PPP2R5C: variants seen among roughly 807,000 people sequenced by gnomAD.
PPP2R5C encodes serine/threonine-protein phosphatase 2A 56 kDa regulatory subunit gamma isoform.
Under a neutral mutation model 68.9 loss-of-function variants are expected in PPP2R5C, and 7 were observed. That is an observed-to-expected ratio of 0.10 (90% CI 0.06 to 0.19). The LOEUF (loss-of-function observed/expected upper bound fraction) is 0.19, where lower values mean the gene tolerates loss of function less well. PPP2R5C is among the 10% of genes least tolerant of loss of function. The probability of loss-of-function intolerance (pLI) is 1.00; values close to 1 mark genes in which losing one functional copy is unlikely to be tolerated. For synonymous variants in PPP2R5C, 210 were observed against 222.2 expected (o/e 0.95, Z 0.49); for missense variants, 348 against 641.3 (o/e 0.54, Z 4.94).
intron 1 of PPP2R5C, among the ~76,000 whole-genome samples, chr14:101,848,546 AAAAGAAAG>A (rs997224724): frequency 4.6e-5 from 7 of 152,064 alleles, no homozygotes; most frequent in African/African-American, 1.4e-4. Context: ...TCAAAAAAAA[AAAAGAAAG>A]AAAGAAAGAA....
intron 2 of PPP2R5C, among the ~76,000 whole-genome samples, chr14:101,866,449 G>A (rs1432912267): frequency 7.9e-5 from 12 of 152,094 alleles, no homozygotes; most frequent in East Asian, 3.9e-4. Context: ...CCATTTTATC[G>A]ATAGATTTTT....
intron 11 of PPP2R5C, among the ~76,000 whole-genome samples, chr14:101,909,963 C>A (rs1382951899): frequency 6.6e-6 from 1 of 152,166 alleles, no homozygotes; most frequent in Non-Finnish European, 1.5e-5. Context: ...AGAATTTTTT[C>A]TTTTCTTGGG....
At chr14:101,887,534 T>A (rs1490233676) in intron 5 of PPP2R5C, among the ~76,000 whole-genome samples, 1 of 152,204 alleles carries the variant, frequency 6.6e-6, no homozygotes, top group East Asian at 1.9e-4. Flanking sequence ...TGGCGTGTGC[T>A]GGGGCTGGAG....
At chr14:101,775,990 C>T (rs1026799826) in intron 2 of PPP2R5C, among the ~76,000 whole-genome samples, 15 of 151,964 alleles carry the variant, frequency 9.9e-5, no homozygotes, top group Admixed American at 7.9e-4. Context: ...TTTGAGTGGC[C>T]GACAAGTGTC....
intron 2 of PPP2R5C, among the ~76,000 whole-genome samples, chr14:101,869,261 A>G (rs2043253609): frequency 6.6e-6 from 1 of 152,240 alleles, no homozygotes; most frequent in Non-Finnish European, 1.5e-5. Context: ...CCATGTTGTC[A>G]CACAGTTTGT....
At chr14:101,925,259 A>T in exon 14 of PPP2R5C, 1 of 1,613,078 alleles carries the variant, frequency 6.2e-7, no homozygotes, top group Non-Finnish European at 8.5e-7. Flanking sequence ...CTGGCCTCCC[A>T]GGACGGCCGC....
chr14:101,855,417 G>A (rs761898659), intron 1 of PPP2R5C, among the ~76,000 whole-genome samples: 7 of 152,124 alleles, frequency 4.6e-5, no homozygotes, highest in Non-Finnish European at 1.0e-4. Context: ...GTGGACATTT[G>A]CTTTGATATT....
rs1566942699 is a variant in PPP2R5C at position 101,888,592 on chromosome 14, GTTTTGTTTTGTT to G, written c.630-1634_630-1623del. ...TTTTTCTGTTGTGTTGTTTTGTTTT[GTTTTGTTTTGTT>G]TTTTGTTTTGAAACAGGGTCTCTGT... On this transcript the variant is annotated intron_variant, in intron 5 of 13. Coordinates refer to ENST00000334743, the Ensembl canonical transcript of PPP2R5C. The surrounding 1 kb of genome is among the most constrained non-coding windows in gnomAD (Gnocchi z 5.6). Among the ~76,000 whole-genome samples, 4 of 151,566 alleles carry G rather than the reference GTTTTGTTTTGTT, an allele frequency of 2.6e-5. No homozygotes were observed. The South Asian group carries it at 6.3e-4, about 24-fold the overall frequency.
chr14:101,778,754 G>A (rs1372357018), intron 2 of PPP2R5C, among the ~76,000 whole-genome samples: 1 of 152,110 alleles, frequency 6.6e-6, no homozygotes, highest in Non-Finnish European at 1.5e-5. Context: ...TGAGCCAGAT[G>A]CACTTTTAAA....
chr14:101,869,149 A>G (rs181415612), intron 2 of PPP2R5C, among the ~76,000 whole-genome samples: 12 of 152,156 alleles, frequency 7.9e-5, no homozygotes, highest in Non-Finnish European at 1.6e-4. Context: ...TCTCTATCAC[A>G]TCATTTTGTC....
intron 1 of PPP2R5C, chr14:101,836,740 A>G (rs1198375111): frequency 1.5e-5 from 3 of 202,810 alleles, no homozygotes; most frequent in African/African-American, 7.0e-5. Context: ...GGTAATATAT[A>G]AAAGAGTATT....
chr14:101,868,568 G>A (rs1674211528), intron 2 of PPP2R5C, among the ~76,000 whole-genome samples: 1 of 152,138 alleles, frequency 6.6e-6, no homozygotes, highest in African/African-American at 2.4e-5. Flanking sequence ...ATATGCATAT[G>A]TTAAATATCA....
At chr14:101,875,141 G>T (rs779575532) in intron 2 of PPP2R5C, among the ~76,000 whole-genome samples, 6 of 152,198 alleles carry the variant, frequency 3.9e-5, no homozygotes, top group Non-Finnish European at 7.3e-5. Context: ...CAATGTTGTG[G>T]TTCTTTTCTT....
At chr14:101,810,399 G>A in intron 1 of PPP2R5C, 1 of 189,796 alleles carries the variant, frequency 5.3e-6, no homozygotes, top group Non-Finnish European at 1.1e-5. Flanking sequence ...TGGCCAAGTT[G>A]TTCGTACGCA....
chr14:101,794,873 T>C (rs1191841447), intron 3 of PPP2R5C, among the ~76,000 whole-genome samples: 1 of 152,258 alleles, frequency 6.6e-6, no homozygotes, highest in Non-Finnish European at 1.5e-5. Context: ...CATCAGTTTT[T>C]CAGTTGATTC....
intron 1 of PPP2R5C, among the ~76,000 whole-genome samples, chr14:101,828,275 G>A (rs2040522098): frequency 6.6e-6 from 1 of 152,134 alleles, no homozygotes; most frequent in Non-Finnish European, 1.5e-5. Context: ...TTACAGGGAT[G>A]GGGAGTTCTT....
chr14:101,912,636 G>A (rs2046461570), intron 12 of PPP2R5C, 163 bp downstream of exon 14: 1 of 1,298,352 alleles, frequency 7.7e-7, no homozygotes, highest in Non-Finnish European at 9.9e-7. Context: ...CCCTCCTTTT[G>A]TACAAGTACT....
In PPP2R5C at chr14:101,825,771, C is replaced by T. The variant is rs2040362315; in HGVS notation, c.94+15735C>T. ...CAGATCTGCTGAAAACCAAAATGTTCAGTGTCATCTTCAGCAGAGGGGATT... is the reference window on the plus strand; with the variant it reads ...CAGATCTGCTGAAAACCAAAATGTTTAGTGTCATCTTCAGCAGAGGGGATT... On this transcript the variant is annotated intron_variant, in intron 1 of 13. Coordinates refer to ENST00000334743, the Ensembl canonical transcript of PPP2R5C. This position sits in a 1 kb window ranked among gnomAD's most constrained non-coding sequence, Gnocchi z 4.0. Among the ~76,000 whole-genome samples, 1 of 152,176 alleles carries T rather than the reference C, an allele frequency of 6.6e-6. No individual in the cohort carries two copies. Among genetic ancestry groups the T allele is most frequent in the Admixed American group, 6.5e-5 (1 of 15,278 alleles).
chr14:101,856,002 C>T (rs777581872), intron 1 of PPP2R5C, among the ~76,000 whole-genome samples: 1 of 152,212 alleles, frequency 6.6e-6, no homozygotes, highest in Non-Finnish European at 1.5e-5. Flanking sequence ...TCATCATTAA[C>T]GTCAGTCGTC....
Sources: allele counts gnomAD v4.1 joint callset (sites outside exome capture counted in the v4.1 genomes callset), GRCh38; gene constraint gnomAD v4.1.1; non-coding constraint Gnocchi (gnomAD v3.1); transcripts MANE v1.5; gene names NCBI Gene and HGNC (gene_info 2026-07-23, HGNC 2026-07-21).